The following ELMO1 variants were observed in gnomAD, a reference collection of about 807,000 sequenced individuals.
The protein encoded by ELMO1 is engulfment and cell motility 1, also known as engulfment and cell motility protein 1.
In ELMO1, 26 loss-of-function variants were observed where a neutral mutation model predicts 98.9. That is an observed-to-expected ratio of 0.26 (90% CI 0.19 to 0.36). The LOEUF is 0.36. ELMO1 is among the 10% of genes least tolerant of loss of function. The pLI is 1.00. For synonymous variants in ELMO1, 346 were observed against 346.0 expected, an observed-to-expected ratio of 1.00 and a Z score of 0.00; for missense variants, 627 against 935.2, an observed-to-expected ratio of 0.67 and a Z score of 4.30.
At chr7:36,883,650 C>G (rs1238515071) in intron 18 of ELMO1, among the ~76,000 whole-genome samples, 1 of 152,140 alleles carries the variant, frequency 6.6e-6, no homozygotes, top group East Asian at 1.9e-4. Context: ...TGACCCTGCC[C>G]CACCTTCTAC....
intron 6 of ELMO1, among the ~76,000 whole-genome samples, chr7:37,252,332 T>C (rs1562555625): frequency 6.6e-6 from 1 of 152,206 alleles, no homozygotes; most frequent in Non-Finnish European, 1.5e-5. Flanking sequence ...CTTCAAACTA[T>C]ACTACAAGGC....
intron 4 of ELMO1, among the ~76,000 whole-genome samples, chr7:37,283,937 A>G (rs1253477231): frequency 2.0e-5 from 3 of 151,974 alleles, no homozygotes; most frequent in Admixed American, 6.6e-5. Context: ...TCAACTGCCC[A>G]CTCTTCCTCA....
intron 15 of ELMO1, among the ~76,000 whole-genome samples, chr7:37,075,781 T>C (rs1486387053): frequency 1.3e-5 from 2 of 152,176 alleles, no homozygotes; most frequent in African/African-American, 4.8e-5. Flanking sequence ...TGAGCAGGAA[T>C]TGCATGGTGA....
chr7:37,356,892 A>G (rs1207916113), intron 1 of ELMO1, among the ~76,000 whole-genome samples: 1 of 152,254 alleles, frequency 6.6e-6, no homozygotes, highest in Non-Finnish European at 1.5e-5. Context: ...CATAGAAACT[A>G]GAACCTATCT....
chr7:37,296,638 G>C (rs1021947537), intron 4 of ELMO1, among the ~76,000 whole-genome samples: 1 of 116,722 alleles, frequency 8.6e-6, no homozygotes, highest in Non-Finnish European at 1.8e-5. Flanking sequence ...TGGGAATCTT[G>C]GGGCCATCTC....
intron 13 of ELMO1, among the ~76,000 whole-genome samples, chr7:37,141,722 ATC>A (rs755781627): frequency 1.3e-5 from 2 of 152,216 alleles, no homozygotes; most frequent in Non-Finnish European, 2.9e-5. Flanking sequence ...AACAGCATGA[ATC>A]TCTGTTTCTC....
At chr7:36,880,167 C>T (rs773436868) in intron 18 of ELMO1, among the ~76,000 whole-genome samples, 10 of 152,108 alleles carry the variant, frequency 6.6e-5, no homozygotes, top group African/African-American at 1.4e-4. Context: ...GCTGTGTGAG[C>T]GACTAAAGGG....
intron 15 of ELMO1, among the ~76,000 whole-genome samples, chr7:37,022,775 A>G (rs1794342960): frequency 6.6e-6 from 1 of 152,266 alleles, no homozygotes; most frequent in South Asian, 2.1e-4. Flanking sequence ...AGAGAAATGT[A>G]TATGAATGTT....
intron 15 of ELMO1, among the ~76,000 whole-genome samples, chr7:37,074,543 G>A (rs975264231): frequency 1.3e-5 from 2 of 152,210 alleles, no homozygotes; most frequent in Non-Finnish European, 2.9e-5. Context: ...TCCCAGGAGG[G>A]CGAGGGGATG....
At chr7:36,891,398 C>T (rs977242716) in intron 17 of ELMO1, among the ~76,000 whole-genome samples, 34 of 152,182 alleles carry the variant, frequency 2.2e-4, no homozygotes, top group African/African-American at 8.2e-4. Flanking sequence ...GTGAAGCATG[C>T]GGCTGATCTT....
At chr7:37,230,295 G>A (rs907356254) in intron 8 of ELMO1, among the ~76,000 whole-genome samples, 1 of 152,134 alleles carries the variant, frequency 6.6e-6, no homozygotes, top group African/African-American at 2.4e-5. Flanking sequence ...GCTGGAACAG[G>A]GGCATTCAGG....
intron 2 of ELMO1, among the ~76,000 whole-genome samples, chr7:37,336,053 C>G (rs1800388167): frequency 6.6e-6 from 1 of 151,880 alleles, no homozygotes; most frequent in Admixed American, 6.6e-5. Context: ...ATGGCAAAAC[C>G]CCATCACTAC....
chr7:37,112,882 A>G (rs765739984), intron 14 of ELMO1, among the ~76,000 whole-genome samples: 4 of 152,214 alleles, frequency 2.6e-5, no homozygotes, highest in Admixed American at 6.5e-5. Context: ...ACATTTGGGA[A>G]CATTACCACC....
At chr7:37,369,708 C>A (rs2131351703) in intron 1 of ELMO1, among the ~76,000 whole-genome samples, 1 of 146,082 alleles carries the variant, frequency 6.8e-6, no homozygotes. Context: ...AATCCATCTA[C>A]AATATAATTA....
chr7:37,344,850 TC>T (rs1377114807), intron 1 of ELMO1, among the ~76,000 whole-genome samples: 1 of 152,246 alleles, frequency 6.6e-6, no homozygotes, highest in African/African-American at 2.4e-5. Context: ...TTGTCCCTTT[TC>T]TATTGGGTTC....
At chr7:37,139,121 C>T (rs1787453158) in intron 13 of ELMO1, among the ~76,000 whole-genome samples, 1 of 152,186 alleles carries the variant, frequency 6.6e-6, no homozygotes, top group Non-Finnish European at 1.5e-5. Flanking sequence ...CAACATTCTA[C>T]TGAATAGGCA....
chr7:37,391,006 C>T (rs904213148), intron 1 of ELMO1, among the ~76,000 whole-genome samples: 2 of 130,068 alleles, frequency 1.5e-5, no homozygotes, highest in African/African-American at 5.8e-5. Context: ...GGAAAGTAGT[C>T]CCTTCCTTCC....
chr7:37,051,360 T>G (rs907172061), intron 15 of ELMO1, among the ~76,000 whole-genome samples: 3 of 152,236 alleles, frequency 2.0e-5, no homozygotes, highest in African/African-American at 7.2e-5. Flanking sequence ...TGACTCTTCC[T>G]AATTTGGATA....
At chr7:37,039,779 T>C (rs575294064) in intron 15 of ELMO1, among the ~76,000 whole-genome samples, 10 of 152,198 alleles carry the variant, frequency 6.6e-5, no homozygotes, top group Admixed American at 1.3e-4. Flanking sequence ...ATAAATAAAA[T>C]TGTTGGTTTT....
Sources: gnomAD v4.1 joint callset for allele counts (sites outside exome capture counted in the v4.1 genomes callset) on GRCh38, gnomAD v4.1.1 for gene constraint, MANE v1.5 for transcripts, NCBI Gene and HGNC (gene_info 2026-07-23, HGNC 2026-07-21) for gene names.